FOCAD: variants seen among roughly 807,000 people sequenced by gnomAD.
FOCAD encodes the protein KIAA1797.
In FOCAD, 198 loss-of-function variants were observed where a neutral mutation model predicts 225.6. The ratio of observed to expected loss-of-function variants is 0.88; its 90% confidence interval spans 0.78 to 0.99. The LOEUF is 0.99. FOCAD is among the 50% of genes least tolerant of loss of function. The pLI, the probability that FOCAD is intolerant of heterozygous loss-of-function variation, is 0.00. For missense variants in FOCAD, 2,713 were observed against 2,123.6 expected (o/e 1.28, Z -5.46); for synonymous variants, 897 against 755.0 (o/e 1.19, Z -3.08).
intron 35 of FOCAD, 27 bp from the exon 36 acceptor site, chr9:20,976,393 A>C (rs2132586293): frequency 6.2e-7 from 1 of 1,607,896 alleles, no homozygotes; most frequent in East Asian, 2.2e-5. Flanking sequence ...CAGGTGTTTT[A>C]CTATTATTTT....
At chr9:20,983,734 G>A (rs1366525602) in intron 39 of FOCAD, among the ~76,000 whole-genome samples, 1 of 152,104 alleles carries the variant, frequency 6.6e-6, no homozygotes, top group Non-Finnish European at 1.5e-5. Context: ...TGCGATCTTG[G>A]TTAAGCTTCA....
intron 7 of FOCAD, among the ~76,000 whole-genome samples, chr9:20,766,189 G>A (rs957561090): frequency 2.6e-5 from 4 of 152,104 alleles, no homozygotes; most frequent in African/African-American, 7.2e-5. Context: ...AGGCTTAAAT[G>A]CTTTTAGAAA....
intron 2 of FOCAD, among the ~76,000 whole-genome samples, chr9:20,660,412 A>C (rs975267798): frequency 1.3e-5 from 2 of 152,160 alleles, no homozygotes; most frequent in Non-Finnish European, 2.9e-5. Flanking sequence ...GAGCCCATAC[A>C]GTCTGGTTTT....
rs569146199 is a variant in FOCAD, at chr9:20,852,961, T to C, written c.1921-9617T>C. On this transcript the variant is annotated intron_variant, in intron 15 of 43. Transcript: ENST00000338382. The stretch of plus-strand genomic sequence containing the variant: ...TCCTTTATTATCTTGGAGTCTAACC[T>C]CTATTAGAAAAGAGGAAGGAGTGAC... Among the ~76,000 whole-genome samples the C allele has an allele frequency of 5.3e-4, 80 of 151,834 alleles. No individual in the cohort carries two copies. The Middle Eastern group carries it at 0.017, about 32-fold the overall frequency.
chr9:20,813,358 G>A (rs1433358277), intron 11 of FOCAD, among the ~76,000 whole-genome samples: 1 of 152,046 alleles, frequency 6.6e-6, no homozygotes, highest in Non-Finnish European at 1.5e-5. Flanking sequence ...CCTGATTTCA[G>A]TTCTTTTGCA....
At chr9:20,837,461 A>G (rs1826101096) in intron 15 of FOCAD, among the ~76,000 whole-genome samples, 2 of 152,046 alleles carry the variant, frequency 1.3e-5, no homozygotes, top group African/African-American at 4.8e-5. Flanking sequence ...AAATAATGAC[A>G]TGACTAAAAT....
At chr9:20,874,988 T>A (rs529527688) in intron 19 of FOCAD, 181 bp downstream of exon 19, 7 of 721,982 alleles carry the variant, frequency 9.7e-6, no homozygotes, top group African/African-American at 3.6e-5. Context: ...GTTTAAATCA[T>A]ACGAAAAAAC....
intron 15 of FOCAD, among the ~76,000 whole-genome samples, chr9:20,841,267 T>A (rs796735374): frequency 3.9e-5 from 6 of 152,108 alleles, no homozygotes; most frequent in African/African-American, 1.4e-4. Flanking sequence ...TACTTCTGTG[T>A]CCCCTATTTT....
chr9:20,785,670 C>A (rs915604396), intron 10 of FOCAD, among the ~76,000 whole-genome samples: 2 of 152,108 alleles, frequency 1.3e-5, no homozygotes, highest in South Asian at 4.1e-4. Context: ...TGTTGACGAA[C>A]TTTTGGCTCT....
At chr9:20,799,458 C>G (rs1167640658) in intron 11 of FOCAD, among the ~76,000 whole-genome samples, 1 of 151,800 alleles carries the variant, frequency 6.6e-6, no homozygotes, top group Non-Finnish European at 1.5e-5. Flanking sequence ...GTTAAAGTCT[C>G]CCATTATTAT....
At chr9:20,982,540 T>C (rs946072384) in intron 39 of FOCAD, 94 bp downstream of exon 39, 2 of 950,918 alleles carry the variant, frequency 2.1e-6, no homozygotes, top group Non-Finnish European at 3.3e-6. Flanking sequence ...CAAGTTTTGC[T>C]TCATTTTTGT....
intron 4 of FOCAD, among the ~76,000 whole-genome samples, chr9:20,731,864 G>A (rs937019473): frequency 1.3e-5 from 2 of 152,034 alleles, no homozygotes; most frequent in South Asian, 4.1e-4. Context: ...TGATCTTCCC[G>A]CCTCAGCCTC....
chr9:20,965,012 G>A (rs1170555331), intron 35 of FOCAD, among the ~76,000 whole-genome samples: 1 of 152,118 alleles, frequency 6.6e-6, no homozygotes, highest in Non-Finnish European at 1.5e-5. Flanking sequence ...GCCTAGATCA[G>A]AAGTATGGAT....
intron 1 of FOCAD, among the ~76,000 whole-genome samples, chr9:20,709,838 A>C (rs1311229611): frequency 1.3e-5 from 2 of 152,232 alleles, no homozygotes; most frequent in East Asian, 3.8e-4. Flanking sequence ...CACTGAAATT[A>C]GGGCTGTCTT....
At position 20,770,076 on chromosome 9, in the gene FOCAD, G is replaced by A; in HGVS notation, c.744G>A (p.Glu248=). The change falls in exon 8 of 44, where the codon GAG becomes GAA. Residue 248 remains glutamate (E), a synonymous_variant. Transcript: ENST00000338382. ...CAACAGAGGCGATGATGTTTATTGAGGAAGTATGTTTAAGCCTTTTGCGTC... is the reference window on the plus strand; with the variant it reads ...CAACAGAGGCGATGATGTTTATTGAAGAAGTATGTTTAAGCCTTTTGCGTC... ...IQTTEAMMFI[E]EVCLSLLRHP... 6.2e-7 allele frequency: 1 copy of A among 1,614,038 alleles called. No homozygotes were observed. Among genetic ancestry groups the A allele is most frequent in the Non-Finnish European group, 8.5e-7 (1 of 1,179,968 alleles).
chr9:20,749,041 C>G (rs1828311676), intron 5 of FOCAD, among the ~76,000 whole-genome samples: 1 of 152,032 alleles, frequency 6.6e-6, no homozygotes, highest in Non-Finnish European at 1.5e-5. Flanking sequence ...CCCCAGTGAT[C>G]ATAGCACACA....
At chr9:20,905,128 A>C (rs1441767596) in intron 21 of FOCAD, among the ~76,000 whole-genome samples, 3 of 152,010 alleles carry the variant, frequency 2.0e-5, no homozygotes, top group Non-Finnish European at 4.4e-5. Context: ...AGCTGACTCC[A>C]TAGAACACTA....
chr9:20,981,202 T>C (rs1394559880), intron 37 of FOCAD, among the ~76,000 whole-genome samples: 1 of 152,184 alleles, frequency 6.6e-6, no homozygotes, highest in Non-Finnish European at 1.5e-5. Flanking sequence ...AGATCCCATA[T>C]AAACACATGA....
At chr9:20,842,384 T>A (rs947628519) in intron 15 of FOCAD, among the ~76,000 whole-genome samples, 1 of 152,034 alleles carries the variant, frequency 6.6e-6, no homozygotes, top group East Asian at 1.9e-4. Context: ...TTTCTCACTT[T>A]AGCTTTAATA....
Sources: gnomAD v4.1 joint callset for allele counts (sites outside exome capture counted in the v4.1 genomes callset) on GRCh38, gnomAD v4.1.1 for gene constraint, MANE v1.5 for transcripts, NCBI Gene and HGNC (gene_info 2026-07-23, HGNC 2026-07-21) for gene names.